The following FOCAD variants were observed in gnomAD, a reference collection of about 807,000 sequenced individuals.
The protein encoded by FOCAD is KIAA1797.
A neutral mutation model predicts 225.6 loss-of-function variants in FOCAD; 198 were observed. That is an observed-to-expected ratio of 0.88 (90% CI 0.78 to 0.99). The LOEUF (loss-of-function observed/expected upper bound fraction) is 0.99. Ranked by LOEUF, FOCAD falls within the 50% of genes least tolerant of loss-of-function variation. The pLI is 0.00. For missense variants in FOCAD, 2,713 were observed against 2,123.6 expected (o/e 1.28, Z -5.46); for synonymous variants, 897 against 755.0 (o/e 1.19, Z -3.08).
chr9:20,668,960 G>C (rs113855670), intron 2 of FOCAD, among the ~76,000 whole-genome samples: 1,980 of 152,220 alleles, frequency 0.013, 26 homozygotes, highest in South Asian at 0.033. Context: ...CCATCTCTGG[G>C]CTGACATTTT....
intron 36 of FOCAD, among the ~76,000 whole-genome samples, chr9:20,977,667 G>A (rs1342354933): frequency 6.6e-6 from 1 of 152,142 alleles, no homozygotes; most frequent in African/African-American, 2.4e-5. Flanking sequence ...CTTCTATACT[G>A]TAATTTATGT....
intron 24 of FOCAD, among the ~76,000 whole-genome samples, chr9:20,922,540 T>A (rs981557984): frequency 3.9e-5 from 6 of 152,216 alleles, no homozygotes; most frequent in African/African-American, 1.4e-4. Flanking sequence ...TAATACCCAC[T>A]GACTCAAGTC....
chr9:20,795,841 T>A (rs952685616), intron 11 of FOCAD, among the ~76,000 whole-genome samples: 1 of 151,880 alleles, frequency 6.6e-6, no homozygotes, highest in Admixed American at 6.5e-5. Context: ...ATTTATTTAT[T>A]TTTTGTTATA....
intron 28 of FOCAD, among the ~76,000 whole-genome samples, chr9:20,933,713 T>C (rs1357927872): frequency 6.6e-6 from 1 of 152,164 alleles, no homozygotes. Context: ...TGACTTCTTT[T>C]CCTGTGAGTA....
chr9:20,796,818 A>C (rs1821165295), intron 11 of FOCAD, among the ~76,000 whole-genome samples: 1 of 151,598 alleles, frequency 6.6e-6, no homozygotes, highest in South Asian at 2.1e-4. Context: ...TCTTTAGTTC[A>C]ATTAGATCCC....
At chr9:20,708,616 TA>T (rs374401664) in intron 1 of FOCAD, among the ~76,000 whole-genome samples, 68 of 151,858 alleles carry the variant, frequency 4.5e-4, no homozygotes, top group African/African-American at 1.4e-3. Flanking sequence ...CAAAAAATTT[TA>T]AAAAAACTTT....
chr9:20,763,493 C>G (rs1300043596), intron 6 of FOCAD, among the ~76,000 whole-genome samples: 1 of 152,226 alleles, frequency 6.6e-6, no homozygotes, highest in Non-Finnish European at 1.5e-5. Flanking sequence ...GCAATAAAGG[C>G]ATTGTATCTT....
intron 35 of FOCAD, among the ~76,000 whole-genome samples, chr9:20,975,830 C>T (rs1840178868): frequency 6.6e-6 from 1 of 152,006 alleles, no homozygotes; most frequent in Non-Finnish European, 1.5e-5. Flanking sequence ...AAAAGTTGAT[C>T]TCATATGCAA....
At chr9:20,815,123 G>GTGTGTTTTT (rs1564024181) in intron 11 of FOCAD, among the ~76,000 whole-genome samples, 4 of 85,394 alleles carry the variant, frequency 4.7e-5, no homozygotes, top group Admixed American at 2.9e-4. Flanking sequence ...ACTTCTCTTT[G>GTGTGTTTTT]TTTTTTTTTT....
chr9:20,915,065 G>A (rs1359103356), intron 23 of FOCAD, among the ~76,000 whole-genome samples: 1 of 152,152 alleles, frequency 6.6e-6, no homozygotes, highest in Non-Finnish European at 1.5e-5. Flanking sequence ...AGGAAGACTA[G>A]AGAAAAGCAG....
chr9:20,702,061 T>C (rs1824000620), intron 1 of FOCAD, among the ~76,000 whole-genome samples: 1 of 152,142 alleles, frequency 6.6e-6, no homozygotes, highest in Non-Finnish European at 1.5e-5. Flanking sequence ...TGGATTATCT[T>C]AATTTAGCTT....
chr9:20,832,390 C>CT (rs1271538273), intron 15 of FOCAD, among the ~76,000 whole-genome samples: 14 of 150,370 alleles, frequency 9.3e-5, no homozygotes, highest in East Asian at 2.0e-4. Flanking sequence ...TACCTTCATT[C>CT]TTTTTTTTTA....
chr9:20,669,137 T>C (rs1161925301), intron 2 of FOCAD, among the ~76,000 whole-genome samples: 1 of 152,162 alleles, frequency 6.6e-6, no homozygotes, highest in Admixed American at 6.5e-5. Context: ...GGACCATAGC[T>C]GGTCTTTGGA....
At chr9:20,924,825 A>G (rs939513307) in intron 25 of FOCAD, among the ~76,000 whole-genome samples, 1 of 152,240 alleles carries the variant, frequency 6.6e-6, no homozygotes, top group Non-Finnish European at 1.5e-5. Context: ...AACAGGTACT[A>G]ATGAAACATC....
At chr9:20,764,454 A>G (rs1323216630) in intron 6 of FOCAD, among the ~76,000 whole-genome samples, 2 of 152,130 alleles carry the variant, frequency 1.3e-5, no homozygotes, top group Non-Finnish European at 2.9e-5. Flanking sequence ...GTGTTTCACC[A>G]TGTTGGCCAG....
At chr9:20,756,199 G>A (rs1271228335) in intron 5 of FOCAD, among the ~76,000 whole-genome samples, 3 of 152,118 alleles carry the variant, frequency 2.0e-5, no homozygotes, top group African/African-American at 7.2e-5. Context: ...TGATCCCTTA[G>A]CAATGGTAGC....
At chr9:20,929,875 G>C (rs1022558599) in intron 27 of FOCAD, among the ~76,000 whole-genome samples, 8 of 152,148 alleles carry the variant, frequency 5.3e-5, no homozygotes, top group African/African-American at 1.9e-4. Flanking sequence ...AGGTACCTAT[G>C]TGTGGTGGAC....
chr9:20,680,195 A>G (rs1822359637), upstream of FOCAD, among the ~76,000 whole-genome samples: 1 of 152,252 alleles, frequency 6.6e-6, no homozygotes, highest in African/African-American at 2.4e-5. Flanking sequence ...CTCCTGGCTA[A>G]GAATATAGGT....
intron 15 of FOCAD, among the ~76,000 whole-genome samples, chr9:20,825,550 A>T (rs1252641153): frequency 6.6e-6 from 1 of 152,148 alleles, no homozygotes; most frequent in Non-Finnish European, 1.5e-5. Flanking sequence ...AAAATAAAAC[A>T]AATTAATAAA....
Sources: allele counts gnomAD v4.1 joint callset (sites outside exome capture counted in the v4.1 genomes callset), GRCh38; gene constraint gnomAD v4.1.1; transcripts MANE v1.5; gene names NCBI Gene and HGNC (gene_info 2026-07-23, HGNC 2026-07-21).